KIAA1217: variants seen among roughly 807,000 people sequenced by gnomAD.
KIAA1217 encodes the protein sickle tail protein homolog.
In KIAA1217, 88 loss-of-function variants were observed where a neutral mutation model predicts 163.9. The ratio of observed to expected loss-of-function variants is 0.54; its 90% confidence interval spans 0.45 to 0.64. The LOEUF (loss-of-function observed/expected upper bound fraction) is 0.64, where lower values mean the gene tolerates loss of function less well. Among genes scored for constraint, KIAA1217 ranks in the 30% least tolerant of loss-of-function variants. The pLI, the probability that KIAA1217 is intolerant of heterozygous loss-of-function variation, is 0.00. For synonymous variants in KIAA1217, 903 were observed against 923.1 expected (o/e 0.98, Z 0.39); for missense variants, 2,372 against 2,475.0 (o/e 0.96, Z 0.88).
intron 2 of KIAA1217, among the ~76,000 whole-genome samples, chr10:24,356,399 T>C (rs563671819): frequency 6.6e-6 from 1 of 152,260 alleles, no homozygotes; most frequent in East Asian, 1.9e-4. Flanking sequence ...TTCCCATGGG[T>C]ATTTAGAGAT....
intron 1 of KIAA1217, among the ~76,000 whole-genome samples, chr10:23,790,330 T>TATATACATATGC (rs1238800485): frequency 5.2e-5 from 1 of 19,394 alleles, no homozygotes; most frequent in Admixed American, 5.8e-4. Flanking sequence ...CACATATGCA[T>TATATACATATGC]ATATGCATAT....
chr10:24,382,110 G>A (rs1254657109), intron 3 of KIAA1217, among the ~76,000 whole-genome samples: 1 of 150,570 alleles, frequency 6.6e-6, no homozygotes, highest in Non-Finnish European at 1.5e-5. Context: ...GACAAGTCGT[G>A]AGGATTTAGA....
At chr10:23,850,236 A>G (rs961943967) in intron 1 of KIAA1217, among the ~76,000 whole-genome samples, 5 of 152,246 alleles carry the variant, frequency 3.3e-5, no homozygotes, top group Admixed American at 1.3e-4. Context: ...CATCTTCTAG[A>G]TAAATTTAAC....
intron 2 of KIAA1217, among the ~76,000 whole-genome samples, chr10:24,245,285 A>T (rs1392819779): frequency 6.6e-6 from 1 of 152,172 alleles, no homozygotes; most frequent in Non-Finnish European, 1.5e-5. Context: ...GTCCCGTCGA[A>T]GTGACGATAG....
intron 2 of KIAA1217, among the ~76,000 whole-genome samples, chr10:24,309,335 C>T (rs917189298): frequency 1.7e-4 from 15 of 90,380 alleles, no homozygotes; most frequent in East Asian, 4.0e-4. Context: ...CAAATAGGCG[C>T]GCGCACGCGC....
chr10:24,386,655 C>G (rs919323859), intron 3 of KIAA1217, among the ~76,000 whole-genome samples: 3 of 152,128 alleles, frequency 2.0e-5, no homozygotes, highest in African/African-American at 7.2e-5. Flanking sequence ...CTCACTGCAG[C>G]CTTGAAGTCC....
intron 1 of KIAA1217, among the ~76,000 whole-genome samples, chr10:23,980,797 A>G (rs73604440): frequency 0.21 from 31,206 of 152,074 alleles, 3,503 homozygotes; most frequent in Middle Eastern, 0.3. Context: ...TCAATCTGTT[A>G]TCATCTTTAC....
chr10:24,175,625 A>C (rs191489430), intron 2 of KIAA1217, among the ~76,000 whole-genome samples: 7 of 152,266 alleles, frequency 4.6e-5, no homozygotes, highest in African/African-American at 1.7e-4. Flanking sequence ...GAATGAAGCC[A>C]TGGACCCTCG....
intron 2 of KIAA1217, among the ~76,000 whole-genome samples, chr10:24,177,718 G>A (rs765759371): frequency 1.3e-5 from 2 of 151,898 alleles, no homozygotes; most frequent in Non-Finnish European, 2.9e-5. Flanking sequence ...TCCCCAAGCA[G>A]TTAGACAAAT....
intron 1 of KIAA1217, among the ~76,000 whole-genome samples, chr10:23,755,007 T>C (rs907781496): frequency 6.6e-6 from 1 of 151,922 alleles, no homozygotes; most frequent in African/African-American, 2.4e-5. Context: ...AAATAATAAT[T>C]AAATACAAAC....
chr10:24,331,251 CA>C (rs1200164226), intron 2 of KIAA1217, among the ~76,000 whole-genome samples: 2 of 152,086 alleles, frequency 1.3e-5, no homozygotes, highest in African/African-American at 4.8e-5. Flanking sequence ...CCAGTGAGGA[CA>C]TTTTAAAGAA....
In KIAA1217 at chr10:23,739,751, C is replaced by T. The variant is rs181096421; in HGVS notation, c.-321+44517C>T. Among the ~76,000 whole-genome samples, 759 of 152,220 alleles carry T rather than the reference C, an allele frequency of 5.0e-3. 5 individuals carry two copies. Among genetic ancestry groups the T allele is most frequent in the Non-Finnish European group, 6.6e-3 (450 of 68,010 alleles). On this transcript the variant is annotated intron_variant, in intron 1 of 18. Coordinates refer to the KIAA1217 transcript ENST00000376462. ...AGGCCAGAGTAGAGGCAGGGAGACC[C>T]GGGACGAGGCTCCTGAGAGATCCTG... is the stretch of plus-strand genomic sequence containing the variant.
intron 1 of KIAA1217, among the ~76,000 whole-genome samples, chr10:23,883,419 G>T (rs1326534193): frequency 2.0e-5 from 3 of 151,882 alleles, no homozygotes; most frequent in African/African-American, 4.8e-5. Flanking sequence ...CCTCAGAGTT[G>T]GTTGCTGTGG....
intron 2 of KIAA1217, among the ~76,000 whole-genome samples, chr10:24,354,100 A>G (rs537906229): frequency 1.3e-5 from 2 of 152,222 alleles, no homozygotes; most frequent in African/African-American, 2.4e-5. Flanking sequence ...GATTGAACAT[A>G]TGAACTGCCA....
chr10:24,343,689 T>C (rs1214714804), intron 2 of KIAA1217, among the ~76,000 whole-genome samples: 1 of 152,240 alleles, frequency 6.6e-6, no homozygotes, highest in Non-Finnish European at 1.5e-5. Context: ...GCATTGTTTG[T>C]GTTCTATACT....
chr10:24,065,493 C>G (rs1281900796), intron 2 of KIAA1217, among the ~76,000 whole-genome samples: 1 of 152,186 alleles, frequency 6.6e-6, no homozygotes, highest in African/African-American at 2.4e-5. Context: ...TTTGATTGCA[C>G]TGTGGTCTGA....
intron 2 of KIAA1217, among the ~76,000 whole-genome samples, chr10:24,315,578 T>A (rs1290541405): frequency 6.6e-6 from 1 of 151,912 alleles, no homozygotes; most frequent in Non-Finnish European, 1.5e-5. Flanking sequence ...AGCCTTAGGG[T>A]GCTTTCAAAT....
At chr10:23,975,502 C>G (rs917796708) in intron 1 of KIAA1217, among the ~76,000 whole-genome samples, 4 of 152,148 alleles carry the variant, frequency 2.6e-5, no homozygotes, top group Admixed American at 6.5e-5. Flanking sequence ...TTCCTTGGTT[C>G]TGATTAAAAT....
intron 2 of KIAA1217, among the ~76,000 whole-genome samples, chr10:24,263,339 A>C (rs1471899653): frequency 1.3e-5 from 2 of 152,188 alleles, no homozygotes; most frequent in Non-Finnish European, 1.5e-5. Context: ...GGGTCGTTTC[A>C]TGGGGGCTGG....
Sources: allele counts gnomAD v4.1 joint callset (sites outside exome capture counted in the v4.1 genomes callset), GRCh38; gene constraint gnomAD v4.1.1; transcripts MANE v1.5; gene names NCBI Gene and HGNC (gene_info 2026-07-23, HGNC 2026-07-21).